The following ERC1 variants were observed in gnomAD, a reference collection of about 807,000 sequenced individuals.
The protein encoded by ERC1 is ELKS/RAB6-interacting/CAST family member 1, also known as RAB6 interacting protein 2.
ERC1 carries 56 observed loss-of-function variants against 132.0 expected under a neutral mutation model. That is an observed-to-expected ratio of 0.42 (90% confidence interval 0.34 to 0.53). The LOEUF is 0.53. ERC1 is among the 20% of genes least tolerant of loss of function. The pLI is 0.03. For missense variants in ERC1, 1,202 were observed against 1,349.9 expected (o/e 0.89, Z 1.72); for synonymous variants, 478 against 476.1 (o/e 1.00, Z -0.05).
chr12:1,401,250 T>A (rs1289640717), intron 16 of ERC1, among the ~76,000 whole-genome samples: 3 of 152,102 alleles, frequency 2.0e-5, no homozygotes, highest in South Asian at 2.1e-4. Flanking sequence ...TTGTATTTTT[T>A]AAAACACCAT....
At chr12:1,008,791 C>T (rs1372785093) in intron 1 of ERC1, among the ~76,000 whole-genome samples, 3 of 152,174 alleles carry the variant, frequency 2.0e-5, no homozygotes, top group African/African-American at 7.2e-5. Context: ...AAAACTTTTC[C>T]AGTAATGGAA....
Position 1,256,331 on chromosome 12 carries a change from A to G in ERC1, c.2488-6703A>G, listed in dbSNP as rs2076814079. Among the ~76,000 whole-genome samples, 3 of 149,928 alleles carry G rather than the reference A, an allele frequency of 2.0e-5. No individual in the cohort carries two copies. The South Asian group carries it at 6.3e-4, about 32-fold the overall frequency. On this transcript the variant is annotated intron_variant, in intron 13 of 18. Transcript: ENST00000360905. ...GTCTACTTTAAGACTAGAAGCAGTT[A>G]TAATGAAAATTCATGAGGAAACAGG...
chr12:1,254,830 A>G (rs1253940017), intron 13 of ERC1, among the ~76,000 whole-genome samples: 1 of 152,184 alleles, frequency 6.6e-6, no homozygotes, highest in Non-Finnish European at 1.5e-5. Flanking sequence ...GTACGTATGT[A>G]TGGTGATGTT....
At chr12:1,472,712 G>A (rs1033244369) in intron 18 of ERC1, among the ~76,000 whole-genome samples, 1 of 151,478 alleles carries the variant, frequency 6.6e-6, no homozygotes, top group Non-Finnish European at 1.5e-5. Context: ...AAAAAGGAAG[G>A]AAGGGAAGGA....
chr12:1,297,297 G>A (rs150001442), intron 15 of ERC1, among the ~76,000 whole-genome samples: 51 of 151,704 alleles, frequency 3.4e-4, no homozygotes, highest in African/African-American at 1.1e-3. Context: ...AAACAAATAT[G>A]AAAAGAATTC....
intron 15 of ERC1, among the ~76,000 whole-genome samples, chr12:1,296,401 CTTTTTTTTTTTT>C (rs57458560): frequency 2.0e-4 from 15 of 76,232 alleles, no homozygotes; most frequent in East Asian, 4.2e-4. Context: ...ATTGGATAGT[CTTTTTTTTTTTT>C]TTTTTTTTTT....
chr12:1,053,952 C>G (rs189300958), intron 2 of ERC1, among the ~76,000 whole-genome samples: 25 of 152,262 alleles, frequency 1.6e-4, no homozygotes, highest in African/African-American at 5.8e-4. Flanking sequence ...TTTAAGCTAG[C>G]CTTGACCTTT....
intron 15 of ERC1, among the ~76,000 whole-genome samples, chr12:1,302,950 G>A (rs1269550382): frequency 2.0e-5 from 3 of 152,076 alleles, no homozygotes; most frequent in East Asian, 1.9e-4. Flanking sequence ...GTGATAAAGT[G>A]AGATCTTGTC....
intron 7 of ERC1, among the ~76,000 whole-genome samples, chr12:1,138,144 ATATT>A (rs1419730532): frequency 1.4e-4 from 17 of 120,676 alleles, no homozygotes; most frequent in Admixed American, 2.9e-4. Context: ...TAATATAATT[ATATT>A]TATTTACATA....
intron 14 of ERC1, among the ~76,000 whole-genome samples, chr12:1,263,953 G>C (rs2077307734): frequency 6.6e-6 from 1 of 151,784 alleles, no homozygotes; most frequent in Admixed American, 6.6e-5. Flanking sequence ...GCTTCCCAAA[G>C]TGCTGGGATT....
chr12:1,237,021 G>C (rs1194568608), intron 13 of ERC1, 117 bp downstream of exon 13: 37 of 1,247,578 alleles, frequency 3.0e-5, no homozygotes, highest in Non-Finnish European at 4.0e-5. Context: ...CCTGCTTGCT[G>C]CCTTCCTCTC....
chr12:1,160,325 T>G (rs1260696384), intron 8 of ERC1, among the ~76,000 whole-genome samples: 1 of 152,218 alleles, frequency 6.6e-6, no homozygotes, highest in Non-Finnish European at 1.5e-5. Context: ...TCTAAAAGCT[T>G]TTTTTGTTGC....
chr12:1,477,950 A>G (rs2094007112), intron 18 of ERC1, among the ~76,000 whole-genome samples: 1 of 152,196 alleles, frequency 6.6e-6, no homozygotes, highest in African/African-American at 2.4e-5. Flanking sequence ...TCATTGCTCT[A>G]TGATATTCCA....
chr12:1,066,026 G>A (rs566802182), intron 2 of ERC1, among the ~76,000 whole-genome samples: 65 of 152,328 alleles, frequency 4.3e-4, no homozygotes, highest in Middle Eastern at 3.4e-3. Flanking sequence ...TGAGGAATGG[G>A]AAGAAACTGC....
At chr12:1,140,833 A>T (rs946580930) in intron 7 of ERC1, among the ~76,000 whole-genome samples, 1 of 152,072 alleles carries the variant, frequency 6.6e-6, no homozygotes, top group East Asian at 1.9e-4. Flanking sequence ...GTATGAAAAA[A>T]TATAAAATAG....
At chr12:1,279,658 C>CTTT (rs139054168) in intron 14 of ERC1, among the ~76,000 whole-genome samples, 163 of 141,836 alleles carry the variant, frequency 1.1e-3, no homozygotes, top group Middle Eastern at 3.6e-3. Flanking sequence ...TCAAAGCAGA[C>CTTT]TTTTTTTTTT....
At chr12:1,082,261 C>T (rs1370874876) in intron 2 of ERC1, among the ~76,000 whole-genome samples, 3 of 151,630 alleles carry the variant, frequency 2.0e-5, no homozygotes, top group African/African-American at 7.3e-5. Context: ...CTCCTGACCT[C>T]GTGATGTGCC....
At chr12:1,182,116 T>G (rs1398539686) in intron 10 of ERC1, 51 bp downstream of exon 10, 1 of 1,566,966 alleles carries the variant, frequency 6.4e-7, no homozygotes, top group Admixed American at 1.8e-5. Context: ...ATTGCATGTG[T>G]CTGTATGTTG....
chr12:1,427,068 G>C (rs1380593998), intron 17 of ERC1, among the ~76,000 whole-genome samples: 1 of 152,090 alleles, frequency 6.6e-6, no homozygotes, highest in Non-Finnish European at 1.5e-5. Flanking sequence ...CAGCCTAGAA[G>C]TGTCTCAGAC....
Sources: gnomAD v4.1 joint callset for allele counts (sites outside exome capture counted in the v4.1 genomes callset) on GRCh38, gnomAD v4.1.1 for gene constraint, MANE v1.5 for transcripts, NCBI Gene and HGNC (gene_info 2026-07-23, HGNC 2026-07-21) for gene names.